Variants in DMD observed in about 807,000 individuals in gnomAD.
DMD encodes the protein mutant dystrophin.
Under a neutral mutation model 330.1 loss-of-function variants are expected in DMD, and 63 were observed. The observed-to-expected ratio is 0.19, with a 90% confidence interval of 0.16 to 0.24. The LOEUF is 0.24. Among genes scored for constraint, DMD ranks in the 10% least tolerant of loss-of-function variants. The pLI is 1.00. For synonymous variants in DMD, 1,223 were observed against 959.8 expected, an observed-to-expected ratio of 1.27 and a Z score of -5.07; for missense variants, 3,344 against 2,684.1, an observed-to-expected ratio of 1.25 and a Z score of -5.43.
At chrX:32,306,134 C>T (rs1389002489) in intron 42 of DMD, among the ~76,000 whole-genome samples, 1 of 109,264 alleles carries the variant, frequency 9.2e-6, no homozygotes, top group Non-Finnish European at 1.9e-5. Context: ...TCTATTCTGT[C>T]TCCCAATGTT....
Position 33,164,495 on chromosome X carries a change from C to T in DMD, c.31+46787G>A, listed in dbSNP as rs145017406. On this transcript the variant is annotated intron_variant, in intron 1 of 78. Coordinates refer to ENST00000357033, the MANE Select transcript of DMD (RefSeq NM_004006.3). The stretch of plus-strand genomic sequence containing the variant: ...GGTAAAATCTAATATTGCAATAGTC[C>T]GTAAACTTCCGGGCTTACTTTCTAA... Among the ~76,000 whole-genome samples, 330 of 111,484 alleles carry T rather than the reference C, an allele frequency of 3.0e-3. 1 individual carries two copies. The highest frequency in any genetic ancestry group is 0.01 in the African/African-American group (313 of 30,785).
chrX:31,139,500 C>T lies in DMD; in HGVS notation c.10922-5306G>A, dbSNP rs141687065. On this transcript the variant is annotated intron_variant, in intron 76 of 78. Transcript: ENST00000357033. ...ACACACACACACACACACACACACA[C>T]ACACACACGCCATGGAATATTAGTC... Among the ~76,000 whole-genome samples the T allele has an allele frequency of 2.3e-3, 249 of 109,325 alleles. 2 individuals carry two copies. Among genetic ancestry groups the T allele is most frequent in the African/African-American group, 7.8e-3 (229 of 29,382 alleles). 94.9% of individuals were successfully genotyped at this position (109,325 alleles called of 115,157 possible).
rs996623020 is a variant in DMD, at chrX:31,640,116, A to C, written c.8028-12254T>G. On this transcript the variant is annotated intron_variant, in intron 54 of 78. Coordinates refer to ENST00000357033, the MANE Select transcript of DMD (RefSeq NM_004006.3). ...GAGGTCTACTTCATATACGAACCTGAATTAAAAACAGCCAGCCCTTGAGTC... is the reference window on the plus strand; with the variant it reads ...GAGGTCTACTTCATATACGAACCTGCATTAAAAACAGCCAGCCCTTGAGTC... Among the ~76,000 whole-genome samples the C allele has an allele frequency of 2.7e-5, 3 of 111,607 alleles. No individual in the cohort carries two copies. The Admixed American group carries it at 2.9e-4, about 11-fold the overall frequency.
intron 29 of DMD, among the ~76,000 whole-genome samples, chrX:32,419,907 A>G (rs943215606): frequency 8.9e-6 from 1 of 112,062 alleles, no homozygotes; most frequent in African/African-American, 3.2e-5. Context: ...TCAATGAGCT[A>G]TAGAGTAATA....
chrX:32,758,702 G>A lies in DMD; in HGVS notation c.649+50791C>T, dbSNP rs907568975. Among the ~76,000 whole-genome samples the A allele has an allele frequency of 2.7e-5, 3 of 110,837 alleles. No individual in the cohort carries two copies. In the Admixed American group the frequency reaches 2.9e-4, roughly 11 times the overall value. On this transcript the variant is annotated intron_variant, in intron 7 of 78. Coordinates refer to ENST00000357033, the MANE Select transcript of DMD (RefSeq NM_004006.3). ...TTTGCCCTCACACAGGTATTCTCAA[G>A]ATTACGAGATAACAAAGTGTAAGAG...
intron 6 of DMD, among the ~76,000 whole-genome samples, chrX:32,815,520 T>TATATATATATATATAATATATATAC: frequency 1.3e-5 from 1 of 78,959 alleles, no homozygotes; most frequent in African/African-American, 5.3e-5. Flanking sequence ...TATATATATA[T>TATATATATATATATAATATATATAC]ACACACACAC....
intron 7 of DMD, among the ~76,000 whole-genome samples, chrX:32,734,249 A>C (rs1201622408): frequency 1.9e-5 from 2 of 102,899 alleles, no homozygotes; most frequent in East Asian, 3.0e-4. Context: ...CAATAACAGG[A>C]TCTGAAATTG....
intron 5 of DMD, 101 bp from the exon 6 acceptor site, chrX:32,816,741 T>A: frequency 2.5e-6 from 2 of 806,930 alleles, no homozygotes; most frequent in Non-Finnish European, 3.7e-6. Flanking sequence ...TAAATAGAAA[T>A]TTTAGGGCCA....
chrX:32,834,798 T>C (rs1004669634), intron 4 of DMD, among the ~76,000 whole-genome samples: 4 of 111,857 alleles, frequency 3.6e-5, no homozygotes, highest in Non-Finnish European at 5.7e-5. Flanking sequence ...TAAATTATAT[T>C]AAGTCAGCGA....
intron 63 of DMD, among the ~76,000 whole-genome samples, chrX:31,237,443 C>T (rs2047840179): frequency 8.9e-6 from 1 of 112,614 alleles, no homozygotes; most frequent in Admixed American, 9.4e-5. Flanking sequence ...TATGTGTTAA[C>T]TTTTCTGGAG....
At chrX:32,676,247 C>T (rs187060086) in intron 9 of DMD, among the ~76,000 whole-genome samples, 19 of 110,938 alleles carry the variant, frequency 1.7e-4, no homozygotes, top group Non-Finnish European at 2.1e-4. Flanking sequence ...GCAATAGAGC[C>T]CTTTCACTAC....
chrX:31,486,981 C>A (rs1314280708), intron 57 of DMD, among the ~76,000 whole-genome samples: 1 of 111,761 alleles, frequency 8.9e-6, no homozygotes, highest in Non-Finnish European at 1.9e-5. Flanking sequence ...AAAGCGAGGT[C>A]TTGGAAAAGG....
At chrX:31,611,137 T>C in intron 55 of DMD, among the ~76,000 whole-genome samples, 1 of 109,389 alleles carries the variant, frequency 9.1e-6, no homozygotes, top group Non-Finnish European at 1.9e-5. Flanking sequence ...AAACATCTGG[T>C]CTAGTGGTTC....
chrX:31,743,757 A>G (rs1344757448), intron 51 of DMD, among the ~76,000 whole-genome samples: 1 of 112,092 alleles, frequency 8.9e-6, no homozygotes, highest in African/African-American at 3.2e-5. Context: ...CCTGGGTGAC[A>G]GTATCATTTG....
At chrX:32,902,481 A>C (rs2086353875) in intron 2 of DMD, among the ~76,000 whole-genome samples, 2 of 111,079 alleles carry the variant, frequency 1.8e-5, no homozygotes, top group African/African-American at 6.7e-5. Context: ...GAAATTAGCA[A>C]CACACATTTT....
intron 7 of DMD, among the ~76,000 whole-genome samples, chrX:32,720,784 AT>A (rs1367996559): frequency 1.8e-5 from 2 of 111,152 alleles, no homozygotes; most frequent in African/African-American, 6.5e-5. Context: ...CTGCTTTTAT[AT>A]TTTTTTAAAA....
chrX:32,115,527 G>C (rs1395532790), intron 44 of DMD, among the ~76,000 whole-genome samples: 2 of 111,418 alleles, frequency 1.8e-5, no homozygotes, highest in Non-Finnish European at 3.8e-5. Context: ...ATAGGAGTGA[G>C]CCACTGTGTC....
chrX:32,665,171 A>C (rs2061224917), intron 9 of DMD, among the ~76,000 whole-genome samples: 1 of 112,208 alleles, frequency 8.9e-6, no homozygotes, highest in African/African-American at 3.2e-5. Context: ...AACATATATC[A>C]GGATACTGGT....
intron 43 of DMD, among the ~76,000 whole-genome samples, chrX:32,274,361 T>A (rs2097377137): frequency 8.9e-6 from 1 of 112,085 alleles, no homozygotes; most frequent in Non-Finnish European, 1.9e-5. Context: ...TCTGAGATTA[T>A]GTGAATTTTA....
Sources: gnomAD v4.1 joint callset for allele counts (sites outside exome capture counted in the v4.1 genomes callset) on GRCh38, gnomAD v4.1.1 for gene constraint, MANE v1.5 for transcripts, NCBI Gene and HGNC (gene_info 2026-07-23, HGNC 2026-07-21) for gene names.